Variants in RPAP3 observed in about 807,000 individuals in gnomAD.
The protein encoded by RPAP3 is RNA polymerase II associated protein 3, also known as RNA polymerase II-associated protein 3.
A neutral mutation model predicts 88.8 loss-of-function variants in RPAP3; 58 were observed. That is an observed-to-expected ratio of 0.65 (90% CI 0.53 to 0.81). The LOEUF (loss-of-function observed/expected upper bound fraction) is 0.81. RPAP3 is among the 40% of genes least tolerant of loss of function. RPAP3 has a pLI of 0.00. For synonymous variants in RPAP3, 255 were observed against 259.9 expected, an observed-to-expected ratio of 0.98 and a Z score of 0.18; for missense variants, 751 against 764.3, an observed-to-expected ratio of 0.98 and a Z score of 0.20.
intron 12 of RPAP3, 100 bp from the exon 13 acceptor site, chr12:47,670,445 C>A: frequency 1.5e-6 from 1 of 658,016 alleles, no homozygotes; most frequent in East Asian, 2.7e-5. Context: ...GCTAATATCC[C>A]AGTGATTAGT....
At chr12:47,678,330 C>T (rs1160741861) in intron 12 of RPAP3, among the ~76,000 whole-genome samples, 1 of 152,140 alleles carries the variant, frequency 6.6e-6, no homozygotes, top group African/African-American at 2.4e-5. Context: ...ATTCAGGCCA[C>T]AGGCATAGGC....
intron 1 of RPAP3, among the ~76,000 whole-genome samples, chr12:47,704,097 A>G (rs1420740525): frequency 1.3e-5 from 2 of 152,228 alleles, no homozygotes; most frequent in Non-Finnish European, 2.9e-5. Context: ...CGGTGTCACT[A>G]GCAGAAAGGT....
At chr12:47,685,476 A>T (rs1249545603) in intron 9 of RPAP3, among the ~76,000 whole-genome samples, 1 of 152,114 alleles carries the variant, frequency 6.6e-6, no homozygotes, top group Non-Finnish European at 1.5e-5. Context: ...GAATTACAGT[A>T]AAAATTTAAC....
Position 47,667,798 on chromosome 12 carries a change from A to T in RPAP3, c.1767T>A (p.Asp589Glu). The change falls in exon 15 of 17, where the codon GAT becomes GAA. Residue 589 changes from aspartate (D) to glutamate (E), a missense_variant. By Grantham distance (45) the Asp-to-Glu change is conservative. Coordinates refer to ENST00000005386, the MANE Select transcript of RPAP3 (RefSeq NM_024604.3). ...PKLFQKNLDP[D>E]VFNQIVKILH... ...GAATTTTAACGATCTGGTTGAATAC[A>T]TCTGGATCCAGATTTTTCTGAAACA... 6.2e-7 allele frequency: 1 copy of T among 1,609,600 alleles called. No individual in the cohort carries two copies. The highest frequency in any genetic ancestry group is 8.5e-7 in the Non-Finnish European group (1 of 1,177,642).
At chr12:47,687,061 C>T (rs1939341206) in intron 8 of RPAP3, among the ~76,000 whole-genome samples, 154 bp from the exon 9 acceptor site, 1 of 152,068 alleles carries the variant, frequency 6.6e-6, no homozygotes, top group Non-Finnish European at 1.5e-5. Context: ...GTTTTAAAAT[C>T]TGTTGGTTTG....
chr12:47,694,428 T>C (rs1366021779), intron 5 of RPAP3, among the ~76,000 whole-genome samples: 2 of 152,190 alleles, frequency 1.3e-5, no homozygotes, highest in African/African-American at 4.8e-5. Context: ...TAGAGGAGAC[T>C]ATTAGGAACT....
intron 9 of RPAP3, among the ~76,000 whole-genome samples, chr12:47,685,356 G>C (rs1008164846): frequency 1.4e-5 from 2 of 147,778 alleles, no homozygotes; most frequent in African/African-American, 5.0e-5. Flanking sequence ...TCCAGCCTGG[G>C]TGACAGAGGG....
intron 16 of RPAP3, among the ~76,000 whole-genome samples, chr12:47,664,120 T>C (rs1296651039): frequency 1.3e-5 from 2 of 152,218 alleles, no homozygotes; most frequent in Non-Finnish European, 2.9e-5. Flanking sequence ...CCAGGCGTGG[T>C]GGTTCACGCC....
chr12:47,692,424 C>T (rs1482737264), intron 5 of RPAP3, among the ~76,000 whole-genome samples: 1 of 152,212 alleles, frequency 6.6e-6, no homozygotes, highest in Non-Finnish European at 1.5e-5. Flanking sequence ...CTTCACCTTC[C>T]ACTTTTATGT....
intron 1 of RPAP3, among the ~76,000 whole-genome samples, chr12:47,705,592 T>C (rs73300680): frequency 0.043 from 6,546 of 152,108 alleles, 465 homozygotes; most frequent in African/African-American, 0.14. Flanking sequence ...GGGTATCACT[T>C]TCACACCCGC....
chr12:47,664,123 T>C (rs1938815816), intron 16 of RPAP3, among the ~76,000 whole-genome samples: 1 of 152,112 alleles, frequency 6.6e-6, no homozygotes, highest in Non-Finnish European at 1.5e-5. Flanking sequence ...GGCGTGGTGG[T>C]TCACGCCTGT....
At chr12:47,698,190 C>A (rs575954147) in intron 3 of RPAP3, among the ~76,000 whole-genome samples, 2 of 152,250 alleles carry the variant, frequency 1.3e-5, no homozygotes, top group South Asian at 4.1e-4. Context: ...TCACAATAAC[C>A]TATGAGGAAG....
At position 47,679,407 on chromosome 12, in the gene RPAP3, A is replaced by C. The variant is rs1939178985; in HGVS notation, c.1287+86T>G. 3.7e-6 allele frequency: 3 copies of C among 808,448 alleles called. No homozygotes were observed. In the East Asian group the frequency reaches 8.2e-5, roughly 22 times the overall value. The allele number at this position is 808,448 out of a possible 1,614,324, so 50.1% of individuals were successfully genotyped here. On this transcript the variant is annotated intron_variant, in intron 12 of 16. Coordinates refer to ENST00000005386, the MANE Select transcript of RPAP3 (RefSeq NM_024604.3). ...AACTTAAAGTATAATTAAAAAAAAA[A>C]AGTTTATTAATACAATAGTTGGTTT... is the stretch of plus-strand genomic sequence containing the variant.
At chr12:47,698,321 G>A (rs1488695729) in intron 3 of RPAP3, among the ~76,000 whole-genome samples, 7 of 151,924 alleles carry the variant, frequency 4.6e-5, no homozygotes. Flanking sequence ...CAATCGATAT[G>A]TTATACTGTC....
chr12:47,682,155 A>G (rs1297832010), intron 9 of RPAP3, among the ~76,000 whole-genome samples: 1 of 152,216 alleles, frequency 6.6e-6, no homozygotes, highest in Non-Finnish European at 1.5e-5. Flanking sequence ...GTATTACATT[A>G]GAATTTTGAC....
rs771163470 is a variant in RPAP3, at chr12:47,697,742, AG to A, written c.295-24del. On this transcript the variant is annotated intron_variant, in intron 3 of 16. Transcript: ENST00000005386. The stretch of plus-strand genomic sequence containing the variant: ...GTCCTAAAATCAAAAGACGGAAAAC[AG>A]GGGTCATAATTATATGATTAGGAAA... 50 of 1,338,452 alleles carry A rather than the reference AG, an allele frequency of 3.7e-5. No homozygotes were observed. The African/African-American group carries it at 8.5e-4, about 23-fold the overall frequency. The allele number at this position is 1,338,452 out of a possible 1,614,324, so 82.9% of individuals were successfully genotyped here.
chr12:47,680,591 G>C (rs1330377302), intron 10 of RPAP3, among the ~76,000 whole-genome samples: 1 of 151,892 alleles, frequency 6.6e-6, no homozygotes, highest in African/African-American at 2.4e-5. Context: ...CTGATCTCAA[G>C]AAGCTAGAAA....
At chr12:47,677,694 A>G (rs567349348) in intron 12 of RPAP3, among the ~76,000 whole-genome samples, 93 of 152,172 alleles carry the variant, frequency 6.1e-4, no homozygotes, top group African/African-American at 2.1e-3. Flanking sequence ...AATACCTAGG[A>G]ATCCAATTCT....
chr12:47,681,843 C>T, intron 9 of RPAP3, 26 bp from the exon 10 acceptor site: 1 of 1,534,060 alleles, frequency 6.5e-7, no homozygotes, highest in Non-Finnish European at 8.7e-7. Context: ...AAATTACTGA[C>T]TGGAAAAAAG....
Sources: gnomAD v4.1 joint callset for allele counts (sites outside exome capture counted in the v4.1 genomes callset) on GRCh38, gnomAD v4.1.1 for gene constraint, MANE v1.5 for transcripts, NCBI Gene and HGNC (gene_info 2026-07-23, HGNC 2026-07-21) for gene names.